Variants in NARS1 observed in about 807,000 individuals in gnomAD.
The protein encoded by NARS1 is asparagine--tRNA ligase, cytoplasmic.
Under a neutral mutation model 79.2 loss-of-function variants are expected in NARS1, and 65 were observed. That is an observed-to-expected ratio of 0.82 (90% CI 0.67 to 1.01). The LOEUF is 1.01. Among genes scored for constraint, NARS1 ranks in the 50% least tolerant of loss-of-function variants. The pLI is 0.00. For synonymous variants in NARS1, 229 were observed against 238.8 expected (o/e 0.96, Z 0.38); for missense variants, 649 against 673.8 (o/e 0.96, Z 0.41).
chr18:57,601,589 GT>G lies in NARS1; in HGVS notation c.*62del. ...AAAAAAAGGAAGATTCTGGCTTTTTGTTTTCTTTTTTAAAGAGCCTGTTCCT... is the reference window on the plus strand; with the variant it reads ...AAAAAAAGGAAGATTCTGGCTTTTTGTTTCTTTTTTAAAGAGCCTGTTCCT... On this transcript the variant is annotated 3_prime_UTR_variant, in exon 14 of 14. Transcript: ENST00000256854. 6.8e-7 allele frequency: 1 copy of G among 1,474,944 alleles called. No individual in the cohort carries two copies. The allele number at this position is 1,474,944 out of a possible 1,614,324, so 91.4% of individuals were successfully genotyped here.
intron 6 of NARS1, among the ~76,000 whole-genome samples, chr18:57,611,100 G>A (rs138119335): frequency 2.0e-5 from 3 of 151,554 alleles, no homozygotes; most frequent in Non-Finnish European, 4.4e-5. Context: ...CTGAGTAGCT[G>A]AGACTACAGA....
chr18:57,604,075 AG>A (rs945429756), intron 11 of NARS1, among the ~76,000 whole-genome samples: 2 of 152,212 alleles, frequency 1.3e-5, no homozygotes, highest in African/African-American at 4.8e-5. Flanking sequence ...GGAACCTGAG[AG>A]GGGGTCACTG....
In NARS1 at chr18:57,605,924, T is replaced by C. The variant is rs748597701; in HGVS notation, c.1184A>G (p.Asp395Gly). Residue 395 changes from aspartate (D) to glycine (G), a missense_variant, in exon 11 of 14, where the codon GAT becomes GGT. Physicochemically the swap from Asp to Gly is moderately conservative, Grantham distance 94. Transcript: ENST00000256854. ...ATGTTCTTTTAGCCAAACGATAGCATCTGAATAGTTCATCCGTTTGAAAGG... is the reference window on the plus strand; with the variant it reads ...ATGTTCTTTTAGCCAAACGATAGCACCTGAATAGTTCATCCGTTTGAAAGG... Reference protein sequence around the residue: ...KRPFKRMNYSDAIVWLKEHDV... With the variant: ...KRPFKRMNYSGAIVWLKEHDV... 13 of 1,613,666 alleles carry C rather than the reference T, an allele frequency of 8.1e-6. No individual in the cohort carries two copies. Among genetic ancestry groups the C allele is most frequent in the African/African-American group, 2.7e-5 (2 of 74,930 alleles).
chr18:57,607,717 A>T, intron 7 of NARS1, 52 bp from the exon 8 acceptor site: 3 of 1,422,352 alleles, frequency 2.1e-6, no homozygotes, highest in Non-Finnish European at 2.9e-6. Flanking sequence ...GAAATAAAAA[A>T]TTAACAGTAT....
At chr18:57,608,437 C>CAAAAAAAAAAAAAAAAAAAA (rs1175712420) in intron 7 of NARS1, among the ~76,000 whole-genome samples, 1 of 78,276 alleles carries the variant, frequency 1.3e-5, no homozygotes, top group Non-Finnish European at 2.2e-5. Context: ...AACTCCGTCT[C>CAAAAAAAAAAAAAAAAAAAA]AAAAAAAAAA....
rs2051624079 is a variant in NARS1, at chr18:57,613,637, T to A, written c.386A>T (p.Lys129Met). The change falls in exon 5 of 14, where the codon AAG becomes ATG. Residue 129 changes from lysine to methionine, a missense_variant. By Grantham distance (95) the Lys-to-Met change is moderately conservative (BLOSUM62 -1). Transcript: ENST00000256854. The stretch of plus-strand genomic sequence containing the variant: ...CAGCCTGTGGACCCAGCCAAACACC[T>A]TTACTCTTTGGCCTCTATATCCTTC... The part of the protein sequence containing the change: ...ALEGYRGQRV[K>M]VFGWVHRLRR... 3 of 1,614,122 alleles carry A rather than the reference T, an allele frequency of 1.9e-6. No individual in the cohort carries two copies. The highest frequency in any genetic ancestry group is 1.1e-5 in the South Asian group (1 of 91,078).
Position 57,621,813 on chromosome 18 carries a change from C to A in NARS1, c.-96G>T. On this transcript the variant is annotated 5_prime_UTR_variant, in exon 1 of 14. Coordinates refer to ENST00000256854, the MANE Select transcript of NARS1 (RefSeq NM_004539.4). ...GCACCGGCGGTTTCCGCGATTCCGGCGTTGCATCAGAGAGCGTAGATCTGA... is the reference window on the plus strand; with the variant it reads ...GCACCGGCGGTTTCCGCGATTCCGGAGTTGCATCAGAGAGCGTAGATCTGA... 1 of 1,595,434 alleles carries A rather than the reference C, an allele frequency of 6.3e-7. No homozygotes were observed.
At chr18:57,617,914 C>CA (rs34518818) in intron 2 of NARS1, among the ~76,000 whole-genome samples, 11,178 of 96,814 alleles carry the variant, frequency 0.12, 520 homozygotes, top group Middle Eastern at 0.22. Flanking sequence ...GACTCCTTTT[C>CA]AAAAAAAAAA....
rs747650068 is a variant in NARS1, at chr18:57,601,653, T to C, written c.1646A>G (p.Ter549=). 2.0e-5 allele frequency: 32 copies of C among 1,613,774 alleles called. No individual in the cohort carries two copies. Among genetic ancestry groups the C allele is most frequent in the Non-Finnish European group, 2.5e-5 (29 of 1,179,708 alleles). Residue 549 remains the stop codon, a stop_retained_variant, in exon 14 of 14, where the codon TAA becomes TGA. Transcript: ENST00000256854. ...CCTCCACGCTTCTGGAGAAAATGGT[T>C]ATGGCGTGCAACGCTGGACAAATCG... ...YPRFVQRCTP[*]
intron 2 of NARS1, among the ~76,000 whole-genome samples, chr18:57,617,852 T>C (rs1197362275): frequency 6.7e-6 from 1 of 148,680 alleles, no homozygotes. Context: ...GAGGCAGAGG[T>C]TGCAGTGAGC....
At chr18:57,604,628 G>C (rs376341362) in intron 11 of NARS1, among the ~76,000 whole-genome samples, 1 of 151,990 alleles carries the variant, frequency 6.6e-6, no homozygotes, top group African/African-American at 2.4e-5. Context: ...AGTGGCTCAC[G>C]CCTGTAATCC....
At chr18:57,617,029 C>T (rs1276706835) in intron 2 of NARS1, among the ~76,000 whole-genome samples, 3 of 149,796 alleles carry the variant, frequency 2.0e-5, no homozygotes, top group Admixed American at 1.3e-4. Flanking sequence ...ATGTAGAATA[C>T]CTCTTTTCCC....
At position 57,615,556 on chromosome 18, in the gene NARS1, A is replaced by C. The variant is rs947284535; in HGVS notation, c.342+85T>G. 10 of 870,418 alleles carry C rather than the reference A, an allele frequency of 1.1e-5. No individual in the cohort carries two copies. In the East Asian group the frequency reaches 1.5e-4, roughly 13 times the overall value. The allele number at this position is 870,418 out of a possible 1,614,324, so 53.9% of individuals were successfully genotyped here. Reference sequence around the variant, plus strand: ...AAGTAAAAACAAAATGTAAAGGAACAAACCATGTGACATGCCCCTCATACA... The same window carrying C: ...AAGTAAAAACAAAATGTAAAGGAACCAACCATGTGACATGCCCCTCATACA... On this transcript the variant is annotated intron_variant, in intron 4 of 13. Coordinates refer to ENST00000256854, the MANE Select transcript of NARS1 (RefSeq NM_004539.4).
At chr18:57,617,556 G>A (rs1236542436) in intron 2 of NARS1, among the ~76,000 whole-genome samples, 2 of 99,386 alleles carry the variant, frequency 2.0e-5, no homozygotes, top group Non-Finnish European at 3.7e-5. Flanking sequence ...TGGGTGACAA[G>A]AGCAAGACTC....
At position 57,621,710 on chromosome 18, in the gene NARS1, A is replaced by G; in HGVS notation, c.8T>C (p.Leu3Pro). The change falls in exon 1 of 14, where the codon CTA (leucine) becomes CCA (proline). Residue 3 changes from leucine (L) to proline (P), a missense_variant and splice_region_variant. Coordinates refer to ENST00000256854, the MANE Select transcript of NARS1 (RefSeq NM_004539.4). ...GCCATACACTGAGTCTCACCCACCTAGCACCATGCCTGCAGTGGCCCTGGT... is the reference window on the plus strand; with the variant it reads ...GCCATACACTGAGTCTCACCCACCTGGCACCATGCCTGCAGTGGCCCTGGT... MV[L>P]AELYVSDREG... The G allele has an allele frequency of 6.2e-7, 1 of 1,613,688 alleles. No individual in the cohort carries two copies. Among genetic ancestry groups the G allele is most frequent in the Non-Finnish European group, 8.5e-7 (1 of 1,179,764 alleles).
chr18:57,610,857 C>A (rs1399103167), intron 6 of NARS1, among the ~76,000 whole-genome samples: 1 of 151,782 alleles, frequency 6.6e-6, no homozygotes, highest in Admixed American at 6.6e-5. Context: ...TCAAATCAAT[C>A]AACTATAAAA....
chr18:57,610,719 T>G (rs35867883), intron 6 of NARS1, among the ~76,000 whole-genome samples: 15 of 151,230 alleles, frequency 9.9e-5, no homozygotes, highest in Admixed American at 9.9e-4. Context: ...AAGAAATACA[T>G]AGTAATGGGT....
At chr18:57,606,808 A>G in intron 9 of NARS1, 57 bp from the exon 10 acceptor site, 1 of 1,602,420 alleles carries the variant, frequency 6.2e-7, no homozygotes, top group Non-Finnish European at 8.5e-7. Context: ...TTTTTTATCC[A>G]GCAAGGCTTT....
In NARS1 at chr18:57,620,613, T is replaced by C; in HGVS notation, c.49A>G (p.Thr17Ala). 2 of 1,613,986 alleles carry C rather than the reference T, an allele frequency of 1.2e-6. No homozygotes were observed. Among genetic ancestry groups the C allele is most frequent in the Non-Finnish European group, 1.7e-6 (2 of 1,179,924 alleles). Residue 17 changes from threonine (T) to alanine (A), a missense_variant, in exon 2 of 14, where the codon ACG becomes GCG. By Grantham distance (58) the Thr-to-Ala change is moderately conservative. Coordinates refer to ENST00000256854, the MANE Select transcript of NARS1 (RefSeq NM_004539.4). ...YVSDREGSDA[T>A]GDGTKEKPFK... ...GGTTTCTCCTTGGTTCCATCTCCCG[T>C]GGCATCGCTTCCCTCTCGGTCAGAG...
Sources: gnomAD v4.1 joint callset for allele counts (sites outside exome capture counted in the v4.1 genomes callset) on GRCh38, gnomAD v4.1.1 for gene constraint, MANE v1.5 for transcripts, NCBI Gene and HGNC (gene_info 2026-07-23, HGNC 2026-07-21) for gene names.